Variants in SLC12A9 observed in about 807,000 individuals in gnomAD.
SLC12A9 encodes the protein solute carrier family 12 member 9, also known as CCC-interacting protein 1.
Under a neutral mutation model 66.0 loss-of-function variants are expected in SLC12A9, and 55 were observed. The ratio of observed to expected loss-of-function variants is 0.83; its 90% confidence interval spans 0.67 to 1.04. The LOEUF (loss-of-function observed/expected upper bound fraction) is 1.04. SLC12A9 is among the 50% of genes least tolerant of loss of function. The pLI, the probability that SLC12A9 is intolerant of heterozygous loss-of-function variation, is 0.00. For synonymous variants in SLC12A9, 577 were observed against 569.0 expected (o/e 1.01, Z -0.20); for missense variants, 1,061 against 1,241.9 (o/e 0.85, Z 2.19).
At position 100,866,154 on chromosome 7, in the gene SLC12A9, G is replaced by A. The variant is rs780939901; in HGVS notation, c.2294G>A (p.Arg765Gln). ...LGMVPAWHSA[R>Q]LRIFLCLGPR... ...ATGGTGCCCGCTTGGCATAGCGCCC[G>A]GCTCCGGATCTTCCTGTGCCTGGGG... Residue 765 changes from arginine to glutamine, a missense_variant, in exon 14 of 14, where the codon CGG (arginine) becomes CAG (glutamine). By Grantham distance (43) the Arg-to-Gln change is conservative (BLOSUM62 1). Transcript: ENST00000354161. The surrounding 1 kb of genome is among the most constrained non-coding windows in gnomAD (Gnocchi z 7.3). 24 of 1,612,794 alleles carry A rather than the reference G, an allele frequency of 1.5e-5. No individual in the cohort carries two copies. The highest frequency in any genetic ancestry group is 9.9e-5 in the South Asian group (9 of 91,088).
chr7:100,855,830 C>T lies in SLC12A9; in HGVS notation c.441C>T (p.Phe147=), dbSNP rs765304893. 1.0e-5 allele frequency: 16 copies of T among 1,606,682 alleles called. No individual in the cohort carries two copies. The highest frequency in any genetic ancestry group is 8.4e-5 in the Admixed American group (5 of 59,440). ...LGLVESVLDV[F]GADATGPSGL... is the part of the protein sequence containing the mutation. ...TGGTGGAGTCTGTGCTTGATGTCTT[C>T]GGGGCCGGTCTGTGCTCTGTCCGAT... The change falls in exon 4 of 14, where the codon TTC becomes TTT. Residue 147 remains phenylalanine (F), a synonymous_variant. Transcript: ENST00000354161.
At chr7:100,833,928 G>T (rs1397902795) in intron 1 of SLC12A9, among the ~76,000 whole-genome samples, 1 of 84,994 alleles carries the variant, frequency 1.2e-5, no homozygotes, top group African/African-American at 5.5e-5. Context: ...GCGAGACTCT[G>T]TCTCAAAAAA....
intron 1 of SLC12A9, among the ~76,000 whole-genome samples, chr7:100,847,385 T>A (rs1381190201): frequency 6.6e-6 from 1 of 152,232 alleles, no homozygotes; most frequent in African/African-American, 2.4e-5. Flanking sequence ...TTTACAGATG[T>A]GGCCTTTGGC....
upstream of SLC12A9, among the ~76,000 whole-genome samples, chr7:100,850,822 C>G (rs927893355): frequency 1.3e-4 from 19 of 150,946 alleles, no homozygotes; most frequent in Non-Finnish European, 4.4e-5. Context: ...CGTGTTCAAG[C>G]TATTCTCCTG....
intron 1 of SLC12A9, among the ~76,000 whole-genome samples, chr7:100,844,668 C>T (rs1222851508): frequency 6.6e-6 from 1 of 152,134 alleles, no homozygotes; most frequent in Non-Finnish European, 1.5e-5. Context: ...AATGGCCCTT[C>T]CTGTACTAAA....
In SLC12A9 at chr7:100,860,062, G is replaced by T; in HGVS notation, c.1135+20G>T. ...TCTTTGGTGGGTTCTCTGCCTCCTT[G>T]CTGGCTTGGAGCACGCCCTCCCTTG... On this transcript the variant is annotated intron_variant, in intron 8 of 13. Coordinates refer to ENST00000354161, the MANE Select transcript of SLC12A9 (RefSeq NM_020246.4). The T allele has an allele frequency of 6.2e-7, 1 of 1,614,098 alleles. No individual in the cohort carries two copies. Among genetic ancestry groups the T allele is most frequent in the South Asian group, 1.1e-5 (1 of 91,086 alleles).
Position 100,866,657 on chromosome 7 carries a change from T to C in SLC12A9, c.*52T>C. 7.0e-7 allele frequency: 1 copy of C among 1,438,222 alleles called. No homozygotes were observed. The highest frequency in any genetic ancestry group is 1.5e-5 in the South Asian group (1 of 68,496). 89.1% of individuals were successfully genotyped at this position (1,438,222 alleles called of 1,614,324 possible). A position where few individuals can be genotyped will look rare whatever the true frequency, so the allele number is the denominator to read the frequency against. ...GAGGGCCCAGGCAGGCGGCCTATCC[T>C]GATCCTTGGAGGAGGAGGAAGAGGA... On this transcript the variant is annotated 3_prime_UTR_variant, in exon 14 of 14. Transcript: ENST00000354161. This position sits in a 1 kb window ranked among gnomAD's most constrained non-coding sequence, Gnocchi z 7.3.
Position 100,861,278 on chromosome 7 carries a change from C to G in SLC12A9, c.1343+16C>G. 1 of 1,614,172 alleles carries G rather than the reference C, an allele frequency of 6.2e-7. No individual in the cohort carries two copies. The highest frequency in any genetic ancestry group is 8.5e-7 in the Non-Finnish European group (1 of 1,180,008). ...CCAACTTCCGGTGAGAGACTCAGAT[C>G]TGTGTCCCCAGAGAGAAGAAGGGAG... On this transcript the variant is annotated intron_variant, in intron 10 of 13. Coordinates refer to ENST00000354161, the MANE Select transcript of SLC12A9 (RefSeq NM_020246.4). This position sits in a 1 kb window ranked among gnomAD's most constrained non-coding sequence, Gnocchi z 5.3.
At chr7:100,836,019 T>G (rs1813650513) in intron 1 of SLC12A9, among the ~76,000 whole-genome samples, 1 of 152,096 alleles carries the variant, frequency 6.6e-6, no homozygotes, top group Non-Finnish European at 1.5e-5. Flanking sequence ...GGAGGCTCAT[T>G]GTCCCAGCAG....
chr7:100,859,205 GC>G, intron 7 of SLC12A9, 44 bp downstream of exon 7: 1 of 1,569,278 alleles, frequency 6.4e-7, no homozygotes, highest in Non-Finnish European at 8.8e-7. Context: ...CAAGATTGGT[GC>G]ACCTGGGTCA....
In SLC12A9 at chr7:100,856,987, GC is replaced by G. The variant is rs767419343; in HGVS notation, c.571del (p.Arg191GlyfsTer31). 363 of 1,613,980 alleles carry G rather than the reference GC, an allele frequency of 2.2e-4. No homozygotes were observed. Among genetic ancestry groups the G allele is most frequent in the Non-Finnish European group, 3.0e-4 (355 of 1,180,058 alleles). On this transcript the variant is annotated frameshift_variant, in exon 5 of 14. Coordinates refer to ENST00000354161, the MANE Select transcript of SLC12A9 (RefSeq NM_020246.4). LOFTEE classifies it high-confidence loss of function. ...CTGCACCCTGGGAGCCGGCCTCTAT[GC>G]CCGGGCCTCATTCCTCACATTCCTG... is the stretch of plus-strand genomic sequence containing the variant. ...GVCTLGAGLY[A>X]RASFLTFLLV...
intron 1 of SLC12A9, among the ~76,000 whole-genome samples, chr7:100,846,628 T>C (rs1171057466): frequency 2.0e-5 from 3 of 151,690 alleles, no homozygotes; most frequent in Non-Finnish European, 4.4e-5. Context: ...ACAAGTGTAC[T>C]ATATGAATCA....
exon 1 of SLC12A9, chr7:100,826,913 G>C: frequency 6.6e-7 from 1 of 1,524,440 alleles, no homozygotes; most frequent in Non-Finnish European, 8.8e-7. Context: ...TCCACTCCGA[G>C]GCCCAGATGT....
intron 7 of SLC12A9, 92 bp from the exon 8 acceptor site, chr7:100,859,793 T>G: frequency 4.9e-6 from 7 of 1,438,210 alleles, no homozygotes; most frequent in Middle Eastern, 1.8e-4. Context: ...TTAGCACATT[T>G]GATATCTGAG....
chr7:100,835,681 A>G (rs959814300), intron 1 of SLC12A9, among the ~76,000 whole-genome samples: 9 of 152,050 alleles, frequency 5.9e-5, no homozygotes, highest in African/African-American at 2.2e-4. Flanking sequence ...ACAAAAACAC[A>G]CATACACAAA....
upstream of SLC12A9, among the ~76,000 whole-genome samples, chr7:100,851,652 G>GAAT (rs1814082336): frequency 2.9e-4 from 1 of 3,390 alleles, no homozygotes; most frequent in Non-Finnish European, 5.5e-3. Context: ...AATTAGCCAG[G>GAAT]CGTGGTGTGT....
At chr7:100,852,456 T>G (rs1814122881), upstream of SLC12A9, 1 of 152,226 alleles carries the variant, frequency 6.6e-6, no homozygotes, top group African/African-American at 2.4e-5. Flanking sequence ...GGGTGGCTGC[T>G]CACCGCACCT....
In SLC12A9 at chr7:100,866,321, G is replaced by A; in HGVS notation, c.2461G>A (p.Val821Met). The stretch of plus-strand genomic sequence containing the variant: ...CGAGGCGGAGGAGGAAGGGGACTTT[G>A]TGAACAGTGGGCGGGGAGACGCAGA... ...EPEAEEEGDF[V>M]NSGRGDAEAE... Residue 821 changes from valine to methionine, a missense_variant, in exon 14 of 14, where the codon GTG becomes ATG. Val to Met is a conservative substitution (Grantham distance 21). Coordinates refer to ENST00000354161, the MANE Select transcript of SLC12A9 (RefSeq NM_020246.4). The surrounding 1 kb of genome is among the most constrained non-coding windows in gnomAD (Gnocchi z 7.3). 1.3e-6 allele frequency: 2 copies of A among 1,509,342 alleles called. No homozygotes were observed. Among genetic ancestry groups the A allele is most frequent in the Middle Eastern group, 2.4e-4 (1 of 4,190 alleles). 93.5% of individuals were successfully genotyped at this position (1,509,342 alleles called of 1,614,324 possible).
rs1814652727 is a variant in SLC12A9 at position 100,860,114 on chromosome 7, T to A, written c.1136-36T>A. 5.6e-6 allele frequency: 9 copies of A among 1,614,202 alleles called. No homozygotes were observed. The East Asian group carries it at 2.0e-4, about 36-fold the overall frequency. On this transcript the variant is annotated intron_variant, in intron 8 of 13. Coordinates refer to ENST00000354161, the MANE Select transcript of SLC12A9 (RefSeq NM_020246.4). The stretch of plus-strand genomic sequence containing the variant: ...CTGTCTCTCCGTCCCCGCTGAGCCC[T>A]GGCTGATGTGTCTGCTGTGGATTCT...
Sources: allele counts gnomAD v4.1 joint callset (sites outside exome capture counted in the v4.1 genomes callset), GRCh38; gene constraint gnomAD v4.1.1; non-coding constraint Gnocchi (gnomAD v3.1); transcripts MANE v1.5; gene names NCBI Gene and HGNC (gene_info 2026-07-23, HGNC 2026-07-21).